The following MGAT5 variants were observed in gnomAD, a reference collection of about 807,000 sequenced individuals.
MGAT5 encodes alpha-1,6-mannosylglycoprotein 6-beta-N-acetylglucosaminyltransferase.
A neutral mutation model predicts 94.3 loss-of-function variants in MGAT5; 30 were observed. That is an observed-to-expected ratio of 0.32 (90% confidence interval 0.24 to 0.43). The LOEUF (loss-of-function observed/expected upper bound fraction) is 0.43, where lower values mean the gene tolerates loss of function less well. MGAT5 is among the 20% of genes least tolerant of loss of function. The pLI, the probability that MGAT5 is intolerant of heterozygous loss-of-function variation, is 1.00. For missense variants in MGAT5, 691 were observed against 905.5 expected (o/e 0.76, Z 3.04); for synonymous variants, 310 against 322.9 (o/e 0.96, Z 0.43).
chr2:134,172,449 C>T (rs943897688), intron 1 of MGAT5, among the ~76,000 whole-genome samples: 4 of 151,946 alleles, frequency 2.6e-5, no homozygotes, highest in Non-Finnish European at 5.9e-5. Flanking sequence ...TGCAGTGGCA[C>T]GATCTCAGCT....
At chr2:134,264,318 G>A (rs575069806) in intron 1 of MGAT5, among the ~76,000 whole-genome samples, 9 of 152,164 alleles carry the variant, frequency 5.9e-5, no homozygotes, top group South Asian at 2.1e-4. Flanking sequence ...CACCGCACCC[G>A]GCCAGCCATT....
intron 2 of MGAT5, among the ~76,000 whole-genome samples, chr2:134,313,681 C>A (rs1178865382): frequency 1.3e-5 from 2 of 152,152 alleles, no homozygotes; most frequent in Non-Finnish European, 2.9e-5. Flanking sequence ...CATATCTTGG[C>A]AGGATCTTTC....
At chr2:134,253,062 A>G (rs1177543152), upstream of MGAT5, 2 of 152,248 alleles carry the variant, frequency 1.3e-5, no homozygotes, top group Non-Finnish European at 2.9e-5. Context: ...GGATATAGCT[A>G]GAATTTATAA....
rs184017541 is a variant in MGAT5, at chr2:134,174,061, G to A, written c.-143+53770G>A. Among the ~76,000 whole-genome samples, 121 of 152,336 alleles carry A rather than the reference G, an allele frequency of 7.9e-4. 1 individual carries two copies. The highest frequency in any genetic ancestry group is 1.1e-3 in the Admixed American group (17 of 15,302). ...TCATACGAAGTCAGTTTAGACTGGG[G>A]AAGAGCATTAGCTTCTAAGCCCAAA... is the stretch of plus-strand genomic sequence containing the variant. On this transcript the variant is annotated intron_variant, in intron 1 of 16. Coordinates refer to the MGAT5 transcript ENST00000409645.
Position 134,369,928 on chromosome 2 carries a change from C to G in MGAT5, c.1380+7520C>G, listed in dbSNP as rs148402076. ...AAGGAGCAGCCACACAGGATGGGCC[C>G]TGTCTCAACAGAGCAGTTCTAATAT... On this transcript the variant is annotated intron_variant, in intron 10 of 15. Coordinates refer to ENST00000281923, the MANE Select transcript of MGAT5 (RefSeq NM_002410.5). Among the ~76,000 whole-genome samples, 795 of 152,272 alleles carry G rather than the reference C, an allele frequency of 5.2e-3. 7 individuals carry two copies. The highest frequency in any genetic ancestry group is 0.018 in the African/African-American group (754 of 41,532).
intron 1 of MGAT5, among the ~76,000 whole-genome samples, chr2:134,267,941 A>G (rs1328389256): frequency 1.3e-5 from 2 of 152,242 alleles, no homozygotes; most frequent in Non-Finnish European, 2.9e-5. Context: ...GCAGTGGGGA[A>G]TACAGAGGGG....
intron 1 of MGAT5, among the ~76,000 whole-genome samples, chr2:134,242,454 T>C (rs1226173596): frequency 6.6e-6 from 1 of 152,192 alleles, no homozygotes; most frequent in Admixed American, 6.5e-5. Flanking sequence ...TCAAAAGTAA[T>C]ATAAGTTCTG....
chr2:134,439,354 C>T (rs1313593027), intron 14 of MGAT5, among the ~76,000 whole-genome samples: 1 of 152,186 alleles, frequency 6.6e-6, no homozygotes, highest in African/African-American at 2.4e-5. Context: ...GCCCACAGAG[C>T]CTTCGGTGGG....
At chr2:134,196,009 A>T (rs1449113141) in intron 1 of MGAT5, among the ~76,000 whole-genome samples, 1 of 152,202 alleles carries the variant, frequency 6.6e-6, no homozygotes, top group African/African-American at 2.4e-5. Context: ...CAGGGTAAAA[A>T]GTCAGGATGA....
chr2:134,182,981 A>G (rs987781926), intron 1 of MGAT5, among the ~76,000 whole-genome samples: 1 of 151,858 alleles, frequency 6.6e-6, no homozygotes, highest in Admixed American at 6.6e-5. Context: ...TAGTAGAGAC[A>G]GGGTTTCACC....
chr2:134,240,446 A>T (rs1327010863), intron 1 of MGAT5, among the ~76,000 whole-genome samples: 3 of 151,912 alleles, frequency 2.0e-5, no homozygotes, highest in East Asian at 3.9e-4. Context: ...AAGACGGAAG[A>T]GTGAAAGCCT....
At chr2:134,333,019 C>T (rs2105963620) in intron 4 of MGAT5, among the ~76,000 whole-genome samples, 1 of 152,300 alleles carries the variant, frequency 6.6e-6, no homozygotes, top group African/African-American at 2.4e-5. Flanking sequence ...TTGTGGAAGT[C>T]AGTGTGGCGA....
intron 2 of MGAT5, among the ~76,000 whole-genome samples, chr2:134,305,790 A>G (rs1292764901): frequency 6.6e-6 from 1 of 152,170 alleles, no homozygotes; most frequent in Non-Finnish European, 1.5e-5. Context: ...AGTAAACTGC[A>G]TGTGAGAAGA....
At chr2:134,153,599 G>C (rs1014458295) in intron 1 of MGAT5, among the ~76,000 whole-genome samples, 1 of 152,138 alleles carries the variant, frequency 6.6e-6, no homozygotes, top group African/African-American at 2.4e-5. Flanking sequence ...ATCCAGTGGT[G>C]TCTGTTTGTT....
intron 1 of MGAT5, among the ~76,000 whole-genome samples, chr2:134,239,769 A>G (rs1681870255): frequency 6.6e-6 from 1 of 151,990 alleles, no homozygotes; most frequent in Non-Finnish European, 1.5e-5. Flanking sequence ...TTTTGTTTAT[A>G]ATTATGATAT....
At chr2:134,158,660 G>T (rs957393349) in intron 1 of MGAT5, among the ~76,000 whole-genome samples, 45 of 152,238 alleles carry the variant, frequency 3.0e-4, no homozygotes, top group African/African-American at 1.0e-3. Context: ...CACCAATTCG[G>T]AAGGGGGAGG....
intron 1 of MGAT5, among the ~76,000 whole-genome samples, chr2:134,189,038 T>C (rs1465905085): frequency 6.6e-6 from 1 of 152,206 alleles, no homozygotes; most frequent in Non-Finnish European, 1.5e-5. Flanking sequence ...TCTTGTCCCT[T>C]GGAACTAGGG....
intron 1 of MGAT5, among the ~76,000 whole-genome samples, chr2:134,188,890 C>T (rs1442208982): frequency 6.6e-6 from 1 of 152,170 alleles, no homozygotes; most frequent in African/African-American, 2.4e-5. Flanking sequence ...TGATAATTTA[C>T]TAGAATGAAT....
intron 1 of MGAT5, among the ~76,000 whole-genome samples, chr2:134,247,910 TG>T (rs958064036): frequency 3.9e-5 from 6 of 152,182 alleles, no homozygotes; most frequent in African/African-American, 1.4e-4. Context: ...AGCATAACAG[TG>T]ACAATACAAG....
Sources: allele counts gnomAD v4.1 joint callset (sites outside exome capture counted in the v4.1 genomes callset), GRCh38; gene constraint gnomAD v4.1.1; transcripts MANE v1.5; gene names NCBI Gene and HGNC (gene_info 2026-07-23, HGNC 2026-07-21).